The following DCAF10 variants were observed in gnomAD, a reference collection of about 807,000 sequenced individuals.
The protein encoded by DCAF10 is DDB1 and CUL4 associated factor 10.
DCAF10 carries 19 observed loss-of-function variants against 51.9 expected under a neutral mutation model. The ratio of observed to expected loss-of-function variants is 0.37; its 90% confidence interval spans 0.26 to 0.54. DCAF10 has a LOEUF of 0.54. Ranked by LOEUF, DCAF10 falls within the 20% of genes least tolerant of loss-of-function variation. The pLI is 0.87. For synonymous variants in DCAF10, 291 were observed against 297.1 expected (o/e 0.98, Z 0.21); for missense variants, 510 against 730.6 (o/e 0.70, Z 3.48).
At chr9:37,808,631 A>G in intron 1 of DCAF10, among the ~76,000 whole-genome samples, 1 of 32,938 alleles carries the variant, frequency 3.0e-5, no homozygotes, top group East Asian at 5.1e-4. Flanking sequence ...TTTATATAAT[A>G]TAATATAAAA....
At chr9:37,830,532 G>C (rs769802082) in intron 2 of DCAF10, among the ~76,000 whole-genome samples, 8 of 152,288 alleles carry the variant, frequency 5.3e-5, no homozygotes, top group Non-Finnish European at 8.8e-5. Context: ...GTTCCCTCTG[G>C]GGAGGAAGAG....
intron 1 of DCAF10, among the ~76,000 whole-genome samples, chr9:37,802,097 A>G (rs757259325): frequency 6.6e-6 from 1 of 152,208 alleles, no homozygotes. Context: ...CAGTTCCACC[A>G]TGAGGTGACA....
At chr9:37,811,815 A>G (rs2119033907) in intron 1 of DCAF10, among the ~76,000 whole-genome samples, 1 of 152,362 alleles carries the variant, frequency 6.6e-6, no homozygotes, top group African/African-American at 2.4e-5. Context: ...ATTTGAACAG[A>G]TAATGGATGA....
intron 1 of DCAF10, among the ~76,000 whole-genome samples, chr9:37,812,374 T>C (rs552431039): frequency 6.6e-6 from 1 of 151,922 alleles, no homozygotes; most frequent in South Asian, 2.1e-4. Flanking sequence ...AAAGAAAATC[T>C]TAAAAGCAGC....
At chr9:37,858,624 G>A (rs1830921791) in intron 5 of DCAF10, 1 of 152,166 alleles carries the variant, frequency 6.6e-6, no homozygotes, top group Non-Finnish European at 1.5e-5. Context: ...GAAAATGAGA[G>A]GGTGAAAAGA....
At chr9:37,816,199 C>T (rs913072202) in intron 1 of DCAF10, among the ~76,000 whole-genome samples, 1 of 152,184 alleles carries the variant, frequency 6.6e-6, no homozygotes, top group Non-Finnish European at 1.5e-5. Flanking sequence ...GGAAACTATA[C>T]AATTTTGTTG....
intron 2 of DCAF10, among the ~76,000 whole-genome samples, chr9:37,820,454 C>T (rs182430908): frequency 8.0e-4 from 122 of 152,120 alleles, no homozygotes; most frequent in Non-Finnish European, 1.5e-3. Context: ...ACATGAAGTC[C>T]GGGGTTTGGT....
chr9:37,800,732 C>A (rs1369144025), upstream of DCAF10: 2 of 1,534,636 alleles, frequency 1.3e-6, no homozygotes, highest in Non-Finnish European at 1.7e-6. Context: ...CCCCGGCGGA[C>A]GGTGGCCGAG....
At chr9:37,832,454 G>A (rs1309110219) in intron 2 of DCAF10, among the ~76,000 whole-genome samples, 3 of 149,422 alleles carry the variant, frequency 2.0e-5, no homozygotes, top group East Asian at 1.9e-4. Flanking sequence ...GCGAGACTCC[G>A]TCTCAAAAAA....
At chr9:37,815,398 A>T (rs1349091601) in intron 1 of DCAF10, among the ~76,000 whole-genome samples, 1 of 152,232 alleles carries the variant, frequency 6.6e-6, no homozygotes, top group African/African-American at 2.4e-5. Context: ...TAATCCCAGC[A>T]CTTTGGGAGG....
intron 1 of DCAF10, among the ~76,000 whole-genome samples, chr9:37,808,658 A>ATT (rs1829215973): frequency 1.9e-5 from 2 of 105,378 alleles, no homozygotes; most frequent in African/African-American, 7.6e-5. Flanking sequence ...AATATAAAAT[A>ATT]TAAATATATT....
Position 37,865,160 on chromosome 9 carries a change from T to G in DCAF10, c.*3652T>G, listed in dbSNP as rs1264061223. On this transcript the variant is annotated 3_prime_UTR_variant, in exon 7 of 7. Transcript: ENST00000377724. ...AAGATTAACAATTTCCATGAGAATA[T>G]CATAAACTCAGGGCACACATTCTGG... 1 of 151,608 alleles carries G rather than the reference T, an allele frequency of 6.6e-6. No individual in the cohort carries two copies. The highest frequency in any genetic ancestry group is 1.5e-5 in the Non-Finnish European group (1 of 67,954). 9.4% of individuals were successfully genotyped at this position (151,608 alleles called of 1,614,324 possible).
At chr9:37,805,795 CAA>C (rs1159125668) in intron 1 of DCAF10, among the ~76,000 whole-genome samples, 6 of 152,148 alleles carry the variant, frequency 3.9e-5, no homozygotes, top group Non-Finnish European at 5.9e-5. Context: ...AATTAAAAGA[CAA>C]AGAGTAGCTT....
At chr9:37,810,243 G>A (rs1589077304) in intron 1 of DCAF10, among the ~76,000 whole-genome samples, 1 of 152,180 alleles carries the variant, frequency 6.6e-6, no homozygotes, top group East Asian at 1.9e-4. Flanking sequence ...AGAAAAGCTA[G>A]AGAAAATATT....
intron 2 of DCAF10, among the ~76,000 whole-genome samples, chr9:37,833,086 G>C (rs991028250): frequency 9.2e-5 from 14 of 152,108 alleles, no homozygotes; most frequent in Non-Finnish European, 1.9e-4. Context: ...GGCTGGTCTT[G>C]AACTCCTGAC....
chr9:37,848,280 T>C (rs1330002629), intron 3 of DCAF10, among the ~76,000 whole-genome samples: 1 of 152,238 alleles, frequency 6.6e-6, no homozygotes, highest in African/African-American at 2.4e-5. Context: ...TGAATATTTA[T>C]AGTAGCACTC....
intron 2 of DCAF10, among the ~76,000 whole-genome samples, chr9:37,825,912 G>A (rs62540297): frequency 0.15 from 23,231 of 152,000 alleles, 2,225 homozygotes; most frequent in Middle Eastern, 0.26. Flanking sequence ...GCGCGTGCCT[G>A]TAATCCCAGC....
intron 4 of DCAF10, among the ~76,000 whole-genome samples, chr9:37,856,897 A>T (rs536737793): frequency 6.6e-6 from 1 of 152,330 alleles, no homozygotes; most frequent in East Asian, 1.9e-4. Context: ...TTTGGACCCT[A>T]TTTTAACATA....
At chr9:37,806,926 G>A (rs1829131289) in intron 1 of DCAF10, among the ~76,000 whole-genome samples, 1 of 152,166 alleles carries the variant, frequency 6.6e-6, no homozygotes, top group Admixed American at 6.6e-5. Context: ...TGAAGGTTCT[G>A]TACCTTGGTG....
Sources: gnomAD v4.1 joint callset for allele counts (sites outside exome capture counted in the v4.1 genomes callset) on GRCh38, gnomAD v4.1.1 for gene constraint, MANE v1.5 for transcripts, NCBI Gene and HGNC (gene_info 2026-07-23, HGNC 2026-07-21) for gene names.